The following ERCC5 variants were observed in gnomAD, a reference collection of about 807,000 sequenced individuals.
ERCC5 encodes DNA excision repair protein ERCC-5.
A neutral mutation model predicts 105.6 loss-of-function variants in ERCC5; 68 were observed. The ratio of observed to expected loss-of-function variants is 0.64; its 90% CI spans 0.53 to 0.79. The LOEUF (loss-of-function observed/expected upper bound fraction) is 0.79, where lower values mean the gene tolerates loss of function less well. ERCC5 is among the 30% of genes least tolerant of loss of function. The pLI is 0.00. For synonymous variants in ERCC5, 546 were observed against 526.2 expected (o/e 1.04, Z -0.51); for missense variants, 1,373 against 1,426.7 (o/e 0.96, Z 0.61).
At position 102,862,302 on chromosome 13, in the gene ERCC5, C is replaced by T. The variant is rs1882656569; in HGVS notation, c.1153C>T (p.Pro385Ser). The T allele has an allele frequency of 1.9e-6, 3 of 1,614,138 alleles. No homozygotes were observed. Among genetic ancestry groups the T allele is most frequent in the Non-Finnish European group, 2.5e-6 (3 of 1,180,030 alleles). The change falls in exon 8 of 15, where the codon CCC (proline) becomes TCC (serine). Residue 385 changes from proline to serine, a missense_variant. Physicochemically the swap from Pro to Ser is moderately conservative, Grantham distance 74 (BLOSUM62 -1). Transcript: ENST00000652225. ...PAAVDEGSIS[P>S]RTLSAIKRAL... ...TGCTGTAGACGAAGGCTCCATATCACCCCGGACTCTTTCAGCCATTAAGAG... is the reference window on the plus strand; with the variant it reads ...TGCTGTAGACGAAGGCTCCATATCATCCCGGACTCTTTCAGCCATTAAGAG...
intron 12 of ERCC5, among the ~76,000 whole-genome samples, chr13:102,868,898 G>A (rs1882938937): frequency 6.6e-6 from 1 of 152,176 alleles, no homozygotes; most frequent in East Asian, 1.9e-4. Context: ...TGGGAAAGTA[G>A]TTTTTTCTTT....
In ERCC5 at chr13:102,875,431, C is replaced by T. The variant is rs971820362; in HGVS notation, c.3089C>T (p.Ala1030Val). 2.5e-6 allele frequency: 4 copies of T among 1,614,158 alleles called. No homozygotes were observed. The highest frequency in any genetic ancestry group is 1.1e-5 in the South Asian group (1 of 91,086). Residue 1030 changes from alanine to valine, a missense_variant, in exon 15 of 15, where the codon GCA (alanine) becomes GTA (valine). Ala to Val is a moderately conservative substitution (Grantham distance 64). This residue lies in a region of ERCC5 where 367 missense variants were observed against 350.2 expected (regional missense o/e 1.05). Transcript: ENST00000652225. The stretch of plus-strand genomic sequence containing the variant: ...ATGCTAAGGAAAGAGAAAGAAGCAG[C>T]AGCCAGCGAAATAGAAGCAGTTTCT... ...TCMLRKEKEA[A>V]ASEIEAVSVA...
At position 102,863,099 on chromosome 13, in the gene ERCC5, T is replaced by A. The variant is rs1882705660; in HGVS notation, c.1950T>A (p.Ser650=). Reference sequence around the variant, plus strand: ...AAATTGACTCGGAAGAAAGTGAATCTGATGGTACGTGTCTGTGCTTTTGTA... The same window carrying A: ...AAATTGACTCGGAAGAAAGTGAATCAGATGGTACGTGTCTGTGCTTTTGTA... The part of the protein sequence containing the change: ...PMEIDSEESE[S]DGSFIEVQSV... Residue 650 remains serine (S), a synonymous_variant, in exon 8 of 15, where the codon TCT becomes TCA. Transcript: ENST00000652225. 6.2e-7 allele frequency: 1 copy of A among 1,613,098 alleles called. No individual in the cohort carries two copies. Among genetic ancestry groups the A allele is most frequent in the Non-Finnish European group, 8.5e-7 (1 of 1,179,912 alleles).
At chr13:102,848,701 A>T (rs962411905) in intron 1 of ERCC5, among the ~76,000 whole-genome samples, 1 of 152,148 alleles carries the variant, frequency 6.6e-6, no homozygotes, top group Admixed American at 6.5e-5. Flanking sequence ...TGCGTATATA[A>T]ACTTACTGAA....
chr13:102,870,671 A>G (rs140506569), intron 12 of ERCC5, among the ~76,000 whole-genome samples: 53 of 152,316 alleles, frequency 3.5e-4, no homozygotes, highest in African/African-American at 1.3e-3. Flanking sequence ...TTGTAAAAGT[A>G]ATGAAGAAAA....
Position 102,858,398 on chromosome 13 carries a change from T to A in ERCC5, c.652T>A (p.Leu218Ile). The A allele has an allele frequency of 6.2e-7, 1 of 1,614,118 alleles. No homozygotes were observed. The highest frequency in any genetic ancestry group is 8.5e-7 in the Non-Finnish European group (1 of 1,180,008). ...MKEFTKRRRTLFEAMPEESDD... is the reference protein window; with the variant it reads ...MKEFTKRRRTIFEAMPEESDD... ...AGAGTTCACCAAGCGCAGAAGAACA[T>A]TATTTGAAGCAATGCCAGAGGTGAA... Residue 218 changes from leucine (L) to isoleucine (I), a missense_variant, in exon 6 of 15, where the codon TTA (leucine) becomes ATA (isoleucine). Physicochemically the swap from Leu to Ile is conservative, Grantham distance 5 (BLOSUM62 2). Coordinates refer to ENST00000652225, the MANE Select transcript of ERCC5 (RefSeq NM_000123.4).
In ERCC5 at chr13:102,866,262, G is replaced by A; in HGVS notation, c.2200G>A (p.Glu734Lys). 1 of 1,614,122 alleles carries A rather than the reference G, an allele frequency of 6.2e-7. No homozygotes were observed. Among genetic ancestry groups the A allele is most frequent in the Non-Finnish European group, 8.5e-7 (1 of 1,180,004 alleles). Residue 734 changes from glutamate to lysine, a missense_variant and splice_region_variant, in exon 10 of 15, where the codon GAG (glutamate) becomes AAG (lysine). Physicochemically the swap from Glu to Lys is moderately conservative, Grantham distance 56 (BLOSUM62 1). Coordinates refer to ENST00000652225, the MANE Select transcript of ERCC5 (RefSeq NM_000123.4). ...SLHEWQDINL[E>K]ELETLESNLL... ...CTATAAATGAAAAAACATTTTATAGGAGGAGTTGGAAACTCTGGAGAGCAA... is the reference window on the plus strand; with the variant it reads ...CTATAAATGAAAAAACATTTTATAGAAGGAGTTGGAAACTCTGGAGAGCAA...
intron 14 of ERCC5, among the ~76,000 whole-genome samples, chr13:102,874,529 A>ATTTTTTTTTTTTTTTTTTTT (rs962526121): frequency 1.3e-5 from 2 of 150,434 alleles, no homozygotes; most frequent in Non-Finnish European, 3.0e-5. Flanking sequence ...TTACCCATAT[A>ATTTTTTTTTTTTTTTTTTTT]TTTTTTTTTT....
At position 102,856,157 on chromosome 13, in the gene ERCC5, A is replaced by C. The variant is rs577933109; in HGVS notation, c.528+45A>C. The C allele has an allele frequency of 7.5e-4, 1,170 of 1,566,002 alleles. 5 individuals carry two copies. The African/African-American group carries it at 0.014, about 18-fold the overall frequency. On this transcript the variant is annotated intron_variant, in intron 5 of 14. Transcript: ENST00000652225. ...ATTCAGAATGTATTCTGTTATTTGA[A>C]ATGAATGACATGAAAATGAATATTA...
At chr13:102,850,046 A>G (rs1882145501) in intron 1 of ERCC5, among the ~76,000 whole-genome samples, 1 of 151,380 alleles carries the variant, frequency 6.6e-6, no homozygotes, top group African/African-American at 2.4e-5. Flanking sequence ...GGTTCAATCG[A>G]TTCTCCTGCC....
chr13:102,862,432 G>T lies in ERCC5; in HGVS notation c.1283G>T (p.Ser428Ile). 3 of 1,614,148 alleles carry T rather than the reference G, an allele frequency of 1.9e-6. No homozygotes were observed. The highest frequency in any genetic ancestry group is 2.5e-6 in the Non-Finnish European group (3 of 1,180,030). Residue 428 changes from serine to isoleucine, a missense_variant, in exon 8 of 15, where the codon AGT becomes ATT. Coordinates refer to ENST00000652225, the MANE Select transcript of ERCC5 (RefSeq NM_000123.4). ...CGTATAAACAGCTCCACCGAGAACA[G>T]TGATGAAGGACTTAAAGTGAGAGAT... ...EMRINSSTENSDEGLKVRDGK... is the reference protein window; with the variant it reads ...EMRINSSTENIDEGLKVRDGK...
chr13:102,852,547 G>A (rs1487225459), intron 2 of ERCC5, among the ~76,000 whole-genome samples: 1 of 152,194 alleles, frequency 6.6e-6, no homozygotes, highest in Non-Finnish European at 1.5e-5. Context: ...CCTTGCTGTT[G>A]AGAGTTTTCC....
In ERCC5 at chr13:102,872,201, A is replaced by G; in HGVS notation, c.2682A>G (p.Glu894=). 6.2e-7 allele frequency: 1 copy of G among 1,614,058 alleles called. No homozygotes were observed. Among genetic ancestry groups the G allele is most frequent in the Non-Finnish European group, 8.5e-7 (1 of 1,179,976 alleles). Residue 894 remains glutamate, a synonymous_variant, in exon 13 of 15, where the codon GAA becomes GAG. Transcript: ENST00000652225. ...HGLEPLLKFS[E]WWHEAQKNPK... ...AATTGTTTCCTTTATTTTACAGAGA[A>G]TGGTGGCATGAAGCTCAAAAAAATC...
At chr13:102,858,631 C>T (rs1191594295) in intron 6 of ERCC5, among the ~76,000 whole-genome samples, 3 of 152,090 alleles carry the variant, frequency 2.0e-5, no homozygotes, top group South Asian at 2.1e-4. Flanking sequence ...ACTTTTGACC[C>T]GAGACTAGGT....
At chr13:102,871,092 C>T (rs536144279) in intron 12 of ERCC5, among the ~76,000 whole-genome samples, 2 of 152,330 alleles carry the variant, frequency 1.3e-5, no homozygotes, top group South Asian at 4.1e-4. Context: ...TCGGCTAGGA[C>T]AGCTCAGCTG....
At position 102,858,430 on chromosome 13, in the gene ERCC5, A is replaced by T. The variant is rs1381034842; in HGVS notation, c.672+12A>T. ...AAGCAATGCCAGAGGTGAAATATGCAACAGTACATTCATGCTTAGAATTAA... is the reference window on the plus strand; with the variant it reads ...AAGCAATGCCAGAGGTGAAATATGCTACAGTACATTCATGCTTAGAATTAA... On this transcript the variant is annotated intron_variant, in intron 6 of 14. Coordinates refer to ENST00000652225, the MANE Select transcript of ERCC5 (RefSeq NM_000123.4). 1 of 1,614,014 alleles carries T rather than the reference A, an allele frequency of 6.2e-7. No homozygotes were observed. The highest frequency in any genetic ancestry group is 8.5e-7 in the Non-Finnish European group (1 of 1,179,984).
At chr13:102,872,102 C>G in intron 12 of ERCC5, 96 bp from the exon 13 acceptor site, 1 of 1,428,420 alleles carries the variant, frequency 7.0e-7, no homozygotes, top group African/African-American at 1.4e-5. Flanking sequence ...TGAGTTAGAA[C>G]TTGAGTTTAC....
chr13:102,865,883 C>T lies in ERCC5; in HGVS notation c.2171C>T (p.Ser724Leu), dbSNP rs764873580. ...GAAGCTGAGAAAGATGCGGAAGATTCGCTCCATGAATGGCAAGATATTAAT... is the reference window on the plus strand; with the variant it reads ...GAAGCTGAGAAAGATGCGGAAGATTTGCTCCATGAATGGCAAGATATTAAT... The part of the protein sequence containing the change: ...PQEAEKDAED[S>L]LHEWQDINLE... Residue 724 changes from serine to leucine, a missense_variant, in exon 9 of 15, where the codon TCG (serine) becomes TTG (leucine). Physicochemically the swap from Ser to Leu is moderately radical, Grantham distance 145 (BLOSUM62 -2). Transcript: ENST00000652225. The surrounding 1 kb of genome is among the most constrained non-coding windows in gnomAD (Gnocchi z 4.0). The T allele has an allele frequency of 6.8e-6, 11 of 1,614,038 alleles. No homozygotes were observed. The highest frequency in any genetic ancestry group is 1.6e-4 in the Middle Eastern group (1 of 6,084).
At position 102,862,864 on chromosome 13, in the gene ERCC5, A is replaced by G; in HGVS notation, c.1715A>G (p.Asn572Ser). ...SSDDETKCKP[N>S]SASEVIGPVS... is the part of the protein sequence containing the mutation. Reference sequence around the variant, plus strand: ...GATGATGAAACAAAATGTAAACCGAATTCTGCTTCTGAAGTCATTGGCCCT... The same window carrying G: ...GATGATGAAACAAAATGTAAACCGAGTTCTGCTTCTGAAGTCATTGGCCCT... Residue 572 changes from asparagine to serine, a missense_variant, in exon 8 of 15, where the codon AAT becomes AGT. Around this residue, in one of 3 missense-constraint regions of ERCC5, gnomAD observed 1,004 missense variants for 1,059.7 expected, o/e 0.95. Coordinates refer to ENST00000652225, the MANE Select transcript of ERCC5 (RefSeq NM_000123.4). 6.2e-7 allele frequency: 1 copy of G among 1,614,230 alleles called. No individual in the cohort carries two copies. Among genetic ancestry groups the G allele is most frequent in the Non-Finnish European group, 8.5e-7 (1 of 1,180,032 alleles).
Sources: allele counts gnomAD v4.1 joint callset (sites outside exome capture counted in the v4.1 genomes callset), GRCh38; gene constraint gnomAD v4.1.1; regional missense constraint gnomAD v4.1.1; non-coding constraint Gnocchi (gnomAD v3.1); transcripts MANE v1.5; gene names NCBI Gene and HGNC (gene_info 2026-07-23, HGNC 2026-07-21).